Variants in FOXN3 observed in about 807,000 individuals in gnomAD.
FOXN3 encodes the protein forkhead box protein N3.
FOXN3 carries 7 observed loss-of-function variants against 38.4 expected under a neutral mutation model. The observed-to-expected ratio is 0.18, with a 90% CI of 0.10 to 0.34. The LOEUF (loss-of-function observed/expected upper bound fraction) is 0.34. FOXN3 is among the 10% of genes least tolerant of loss of function. The probability of loss-of-function intolerance (pLI) is 1.00; values close to 1 mark genes in which losing one functional copy is unlikely to be tolerated. For synonymous variants in FOXN3, 230 were observed against 242.2 expected (o/e 0.95, Z 0.47); for missense variants, 456 against 613.4 (o/e 0.74, Z 2.71).
At chr14:89,333,560 G>A (rs1888323463) in intron 3 of FOXN3, among the ~76,000 whole-genome samples, 1 of 151,830 alleles carries the variant, frequency 6.6e-6, no homozygotes, top group Non-Finnish European at 1.5e-5. Flanking sequence ...AGAAGCTCGA[G>A]ACCAGCCTGG....
intron 3 of FOXN3, chr14:89,284,597 C>G (rs1886560218): frequency 2.2e-6 from 1 of 456,018 alleles, no homozygotes; most frequent in Non-Finnish European, 4.4e-6. Context: ...AAAAAGCAAT[C>G]AGACTAACCA....
chr14:89,425,180 C>T (rs1233887730), intron 1 of FOXN3, among the ~76,000 whole-genome samples: 1 of 149,328 alleles, frequency 6.7e-6, no homozygotes, highest in African/African-American at 2.5e-5. Flanking sequence ...AAGCAATTCT[C>T]CCACCTCAGC....
chr14:89,351,158 A>G (rs1888953259), intron 2 of FOXN3: 1 of 160,798 alleles, frequency 6.2e-6, no homozygotes, highest in Admixed American at 6.4e-5. Context: ...ACTGTGTCAG[A>G]TTTCTAAAGT....
At chr14:89,432,614 AT>A (rs971601909) in intron 1 of FOXN3, among the ~76,000 whole-genome samples, 6 of 151,676 alleles carry the variant, frequency 4.0e-5, no homozygotes, top group African/African-American at 9.7e-5. Flanking sequence ...AAACTTAAAG[AT>A]CCCCATGTCC....
chr14:89,369,061 C>T (rs1441628469), intron 2 of FOXN3, among the ~76,000 whole-genome samples: 1 of 152,210 alleles, frequency 6.6e-6, no homozygotes, highest in Admixed American at 6.5e-5. Context: ...CCTAGAGCCA[C>T]TCTACCAATC....
In FOXN3 at chr14:89,197,663, G is replaced by T. The variant is rs747658606; in HGVS notation, c.746-16857C>A. Among the ~76,000 whole-genome samples, 6 of 152,166 alleles carry T rather than the reference G, an allele frequency of 3.9e-5. No homozygotes were observed. The East Asian group carries it at 1.2e-3, about 29-fold the overall frequency. ...CTCCTGGGTGAATCCAGCTGCCTGAGGCCTGGCACCCAGCTTGGGGGAGAA... is the reference window on the plus strand; with the variant it reads ...CTCCTGGGTGAATCCAGCTGCCTGATGCCTGGCACCCAGCTTGGGGGAGAA... On this transcript the variant is annotated intron_variant, in intron 4 of 5. Coordinates refer to ENST00000557258, the MANE Select transcript of FOXN3 (RefSeq NM_005197.4).
chr14:89,213,223 C>G (rs1356067227), intron 4 of FOXN3, among the ~76,000 whole-genome samples: 1 of 152,164 alleles, frequency 6.6e-6, no homozygotes, highest in African/African-American at 2.4e-5. Context: ...GCTCTGAATC[C>G]TTGCCTTTCA....
At chr14:89,396,497 C>A (rs982924216) in intron 2 of FOXN3, among the ~76,000 whole-genome samples, 3 of 152,146 alleles carry the variant, frequency 2.0e-5, no homozygotes, top group Admixed American at 6.5e-5. Flanking sequence ...TGATGGGGAC[C>A]ACATCAGTCA....
intron 1 of FOXN3, among the ~76,000 whole-genome samples, chr14:89,526,691 T>C (rs1238088040): frequency 6.6e-6 from 1 of 152,190 alleles, no homozygotes; most frequent in Non-Finnish European, 1.5e-5. Flanking sequence ...TCTAAAGATT[T>C]AAAGTATTCC....
intron 4 of FOXN3, among the ~76,000 whole-genome samples, chr14:89,197,858 G>C (rs1020030320): frequency 1.3e-5 from 2 of 152,210 alleles, no homozygotes; most frequent in Non-Finnish European, 2.9e-5. Context: ...AGTAAATGAA[G>C]GATGCCATCC....
chr14:89,355,479 C>A (rs1274989218), intron 2 of FOXN3, among the ~76,000 whole-genome samples: 1 of 152,078 alleles, frequency 6.6e-6, no homozygotes, highest in South Asian at 2.1e-4. Flanking sequence ...TCAGGTGATC[C>A]GTCTGCCTTG....
rs149042922 is a variant in FOXN3 at position 89,565,987 on chromosome 14, G to A, written c.-15+53041C>T. On this transcript the variant is annotated intron_variant, in intron 1 of 6. Transcript: ENST00000345097. ...ATATAAAACCTGCTGTGTAGCGAAG[G>A]GGTAAAAGAAAGAAAAGAAATCCTG... 3.8e-3 allele frequency among the ~76,000 whole-genome samples: 586 copies of A among 152,290 alleles called. 4 individuals are homozygous for A. The highest frequency in any genetic ancestry group is 0.013 in the African/African-American group (557 of 41,558).
At chr14:89,547,936 C>A (rs2074456123) in intron 1 of FOXN3, among the ~76,000 whole-genome samples, 1 of 152,302 alleles carries the variant, frequency 6.6e-6, no homozygotes, top group South Asian at 2.1e-4. Context: ...ACCCATAATT[C>A]TGAAGCTAGT....
chr14:89,241,028 G>A (rs1034371066), intron 4 of FOXN3, among the ~76,000 whole-genome samples: 1 of 152,118 alleles, frequency 6.6e-6, no homozygotes, highest in African/African-American at 2.4e-5. Context: ...ACTTCCCAGT[G>A]ATTTTATTAG....
chr14:89,290,859 G>T (rs1886847570), intron 3 of FOXN3: 2 of 286,444 alleles, frequency 7.0e-6, no homozygotes, highest in South Asian at 3.4e-5. Context: ...TGAAGGAGAG[G>T]ACTTTTCTTT....
rs1892124048 is a variant in FOXN3 at position 89,430,070 on chromosome 14, C to G, written c.-14-17580G>C. ...GTTTTTTTCCATTAGTTATTACAAG[C>G]AATCATGATGCTCTAAAAATAGCAG... On this transcript the variant is annotated intron_variant, in intron 1 of 6. Transcript: ENST00000345097. Among the ~76,000 whole-genome samples, 3 of 152,298 alleles carry G rather than the reference C, an allele frequency of 2.0e-5. 1 individual carries two copies. The South Asian group carries it at 6.2e-4, about 32-fold the overall frequency.
chr14:89,316,513 G>C (rs1887722247), intron 3 of FOXN3, among the ~76,000 whole-genome samples: 1 of 117,980 alleles, frequency 8.5e-6, no homozygotes, highest in Non-Finnish European at 1.7e-5. Flanking sequence ...GTGTCACCAT[G>C]TCCAACTACT....
chr14:89,218,603 G>C (rs1884359531), intron 4 of FOXN3, among the ~76,000 whole-genome samples: 1 of 152,168 alleles, frequency 6.6e-6, no homozygotes, highest in Admixed American at 6.5e-5. Flanking sequence ...GAGGGATATG[G>C]CTCATGCCTT....
At chr14:89,193,897 T>C (rs914806205) in intron 4 of FOXN3, among the ~76,000 whole-genome samples, 1 of 152,204 alleles carries the variant, frequency 6.6e-6, no homozygotes, top group African/African-American at 2.4e-5. Flanking sequence ...AGGGGATATA[T>C]AGTAATATTT....
Sources: allele counts gnomAD v4.1 joint callset (sites outside exome capture counted in the v4.1 genomes callset), GRCh38; gene constraint gnomAD v4.1.1; transcripts MANE v1.5; gene names NCBI Gene and HGNC (gene_info 2026-07-23, HGNC 2026-07-21).